ULK2: variants seen among roughly 807,000 people sequenced by gnomAD.
The protein encoded by ULK2 is unc-51 like autophagy activating kinase 2, also known as serine/threonine-protein kinase ULK2.
A neutral mutation model predicts 127.5 loss-of-function variants in ULK2; 76 were observed. That is an observed-to-expected ratio of 0.60 (90% confidence interval 0.50 to 0.72). The LOEUF is 0.72. Ranked by LOEUF, ULK2 falls within the 30% of genes least tolerant of loss-of-function variation. ULK2 has a pLI of 0.00. For missense variants in ULK2, 1,144 were observed against 1,295.9 expected (o/e 0.88, Z 1.80); for synonymous variants, 452 against 461.9 (o/e 0.98, Z 0.28).
At chr17:19,790,219 C>T (rs1178444780) in intron 20 of ULK2, among the ~76,000 whole-genome samples, 2 of 152,130 alleles carry the variant, frequency 1.3e-5, no homozygotes, top group Non-Finnish European at 2.9e-5. Flanking sequence ...GAGTTCGAGA[C>T]TATCCTGGCC....
chr17:19,810,449 G>C lies in ULK2; in HGVS notation c.1097-11C>G. 1.9e-6 allele frequency: 3 copies of C among 1,571,416 alleles called. No homozygotes were observed. Among genetic ancestry groups the C allele is most frequent in the Non-Finnish European group, 2.6e-6 (3 of 1,153,560 alleles). ...CCACTGGCATATCACCTAAAGGAGA[G>C]AAAAGAACAATCAGTTCCTGTTATA... On this transcript the variant is annotated splice_polypyrimidine_tract_variant and intron_variant, in intron 13 of 26. Coordinates refer to ENST00000395544, the MANE Select transcript of ULK2 (RefSeq NM_014683.4).
intron 21 of ULK2, among the ~76,000 whole-genome samples, chr17:19,785,622 G>T (rs1288585208): frequency 1.3e-5 from 2 of 151,274 alleles, no homozygotes; most frequent in African/African-American, 4.9e-5. Flanking sequence ...AAGCTGAGAA[G>T]AACCATATAC....
rs947587442 is a variant in ULK2 at position 19,841,265 on chromosome 17, C to T, written c.704+224G>A. On this transcript the variant is annotated intron_variant, in intron 9 of 26. Coordinates refer to ENST00000395544, the MANE Select transcript of ULK2 (RefSeq NM_014683.4). ...CCCCACAAGGAACACATGTAACTTCCGTATCTTTTTCTTTTAAATTTACAT... is the reference window on the plus strand; with the variant it reads ...CCCCACAAGGAACACATGTAACTTCTGTATCTTTTTCTTTTAAATTTACAT... Among the ~76,000 whole-genome samples, 15 of 152,168 alleles carry T rather than the reference C, an allele frequency of 9.9e-5. No homozygotes were observed. In the South Asian group the frequency reaches 1.0e-3, roughly 11 times the overall value.
At chr17:19,864,704 A>T (rs1295013356) in intron 3 of ULK2, 99 bp downstream of exon 3, 3 of 430,182 alleles carry the variant, frequency 7.0e-6, no homozygotes, top group African/African-American at 6.1e-5. Flanking sequence ...CTTTTCAACA[A>T]GAATTAAGGT....
At chr17:19,787,313 G>T (rs1470589065) in intron 20 of ULK2, among the ~76,000 whole-genome samples, 1 of 151,262 alleles carries the variant, frequency 6.6e-6, no homozygotes, top group African/African-American at 2.4e-5. Context: ...TAGAGACAGG[G>T]TCTCCACCTG....
intron 26 of ULK2, among the ~76,000 whole-genome samples, chr17:19,777,229 C>T (rs563359358): frequency 2.6e-5 from 4 of 152,150 alleles, no homozygotes; most frequent in African/African-American, 7.2e-5. Flanking sequence ...CTCAGCCTCC[C>T]GAGCAGTGGA....
chr17:19,846,593 T>C (rs2041889011), intron 6 of ULK2, 144 bp downstream of exon 6: 1 of 879,866 alleles, frequency 1.1e-6, no homozygotes, highest in Admixed American at 2.7e-5. Flanking sequence ...TGAGCCAAGA[T>C]CGCGCCACTA....
At chr17:19,837,560 T>C (rs1361989469) in intron 10 of ULK2, among the ~76,000 whole-genome samples, 1 of 152,196 alleles carries the variant, frequency 6.6e-6, no homozygotes, top group Non-Finnish European at 1.5e-5. Context: ...ATTTAACATG[T>C]CCAACAGAAA....
In ULK2 at chr17:19,838,588, G is replaced by C; in HGVS notation, c.705-5C>G. The C allele has an allele frequency of 1.2e-6, 2 of 1,610,448 alleles. No homozygotes were observed. Among genetic ancestry groups the C allele is most frequent in the Non-Finnish European group, 1.7e-6 (2 of 1,178,898 alleles). ...GGTGATGTTTCTCTGGGAATACTGG[G>C]GGAAAGGAAAAACACAACCACCTAA... On this transcript the variant is annotated splice_polypyrimidine_tract_variant and splice_region_variant and intron_variant, in intron 9 of 26. Transcript: ENST00000395544.
At chr17:19,783,576 A>G in intron 22 of ULK2, 121 bp downstream of exon 22, 2 of 1,036,152 alleles carry the variant, frequency 1.9e-6, no homozygotes, top group Non-Finnish European at 2.6e-6. Flanking sequence ...TTTCAAACAG[A>G]AAAGGCACGT....
At chr17:19,820,194 G>T (rs757083369) in intron 12 of ULK2, among the ~76,000 whole-genome samples, 3 of 151,858 alleles carry the variant, frequency 2.0e-5, no homozygotes, top group African/African-American at 7.3e-5. Context: ...AACTACAGGC[G>T]CGCCCCACCA....
At chr17:19,816,992 G>C in intron 12 of ULK2, 72 bp from the exon 13 acceptor site, 1 of 1,435,694 alleles carries the variant, frequency 7.0e-7, no homozygotes. Flanking sequence ...CTAGACTAAG[G>C]AATTTTTTTT....
chr17:19,808,696 T>C lies in ULK2; in HGVS notation c.1157+1682A>G, dbSNP rs568538257. On this transcript the variant is annotated intron_variant, in intron 14 of 26. Transcript: ENST00000395544. ...AAAGATGTTCAATATCACTAATCATTAGAGAAGTGCAAATCAAAATCACAA... is the reference window on the plus strand; with the variant it reads ...AAAGATGTTCAATATCACTAATCATCAGAGAAGTGCAAATCAAAATCACAA... 6.6e-4 allele frequency among the ~76,000 whole-genome samples: 101 copies of C among 152,304 alleles called. 1 individual carries two copies. The highest frequency in any genetic ancestry group is 2.4e-3 in the African/African-American group (100 of 41,560).
In ULK2 at chr17:19,801,784, G is replaced by C; in HGVS notation, c.1434C>G (p.Ser478=). 1 of 1,613,440 alleles carries C rather than the reference G, an allele frequency of 6.2e-7. No individual in the cohort carries two copies. The highest frequency in any genetic ancestry group is 1.1e-5 in the South Asian group (1 of 90,992). The part of the protein sequence containing the change: ...STGSSRPYSP[S]PLVGTIPEQF... ...TTTTTAAACTCTACTTACCCAAAGG[G>C]GAAGGTGAGTAAGGCCTAGAAGACC... The change falls in exon 16 of 27, where the codon TCC becomes TCG. Residue 478 remains serine (S), a synonymous_variant. Coordinates refer to ENST00000395544, the MANE Select transcript of ULK2 (RefSeq NM_014683.4).
intron 10 of ULK2, among the ~76,000 whole-genome samples, chr17:19,830,454 A>G (rs1165446110): frequency 3.3e-5 from 5 of 152,072 alleles, no homozygotes; most frequent in Admixed American, 3.3e-4. Context: ...TTCCTTCCTC[A>G]GCCTCTCAAA....
chr17:19,785,927 T>C lies in ULK2; in HGVS notation c.2251+10A>G, dbSNP rs1238969341. The C allele has an allele frequency of 1.3e-6, 2 of 1,594,538 alleles. No individual in the cohort carries two copies. Among genetic ancestry groups the C allele is most frequent in the African/African-American group, 1.4e-5 (1 of 72,862 alleles). ...TAGCCAAAGACTGTAATATAACAAA[T>C]GCTCCTTACCTGAGGTTGTTCTTGT... On this transcript the variant is annotated intron_variant, in intron 21 of 26. Coordinates refer to ENST00000395544, the MANE Select transcript of ULK2 (RefSeq NM_014683.4).
intron 21 of ULK2, among the ~76,000 whole-genome samples, chr17:19,784,850 T>C (rs1406570616): frequency 6.6e-6 from 1 of 152,132 alleles, no homozygotes; most frequent in Non-Finnish European, 1.5e-5. Context: ...TTTTAAGATA[T>C]AGGTATAGTT....
At chr17:19,824,438 C>A (rs1481538669) in intron 12 of ULK2, among the ~76,000 whole-genome samples, 1 of 112,116 alleles carries the variant, frequency 8.9e-6, no homozygotes, top group African/African-American at 3.6e-5. Context: ...CAGAGCGAAA[C>A]TCCATCTCAA....
At chr17:19,861,532 G>A (rs1475907106) in intron 3 of ULK2, among the ~76,000 whole-genome samples, 2 of 151,548 alleles carry the variant, frequency 1.3e-5, no homozygotes, top group African/African-American at 4.8e-5. Context: ...CCAACAGAAC[G>A]AGACTCCGTC....
Sources: gnomAD v4.1 joint callset for allele counts (sites outside exome capture counted in the v4.1 genomes callset) on GRCh38, gnomAD v4.1.1 for gene constraint, MANE v1.5 for transcripts, NCBI Gene and HGNC (gene_info 2026-07-23, HGNC 2026-07-21) for gene names.